The following GLRA3 variants were observed in gnomAD, a reference collection of about 807,000 sequenced individuals.
The protein encoded by GLRA3 is glycine receptor subunit alpha-3.
Under a neutral mutation model 60.4 loss-of-function variants are expected in GLRA3, and 44 were observed. The observed-to-expected ratio is 0.73, with a 90% confidence interval of 0.57 to 0.94. GLRA3 has a LOEUF of 0.94. GLRA3 is among the 40% of genes least tolerant of loss of function. The pLI, the probability that GLRA3 is intolerant of heterozygous loss-of-function variation, is 0.00. For missense variants in GLRA3, 508 were observed against 564.6 expected (o/e 0.90, Z 1.02); for synonymous variants, 223 against 192.9 (o/e 1.16, Z -1.29).
chr4:174,728,749 T>C (rs756642447), intron 3 of GLRA3, 51 bp from the exon 4 acceptor site: 1 of 1,217,324 alleles, frequency 8.2e-7, no homozygotes, highest in Non-Finnish European at 1.2e-6. Flanking sequence ...CTTTAAAAAG[T>C]TTAAAATCCA....
chr4:174,808,922 G>A (rs1424775904), intron 1 of GLRA3, among the ~76,000 whole-genome samples: 1 of 152,078 alleles, frequency 6.6e-6, no homozygotes, highest in Admixed American at 6.5e-5. Flanking sequence ...TAAAAAAATT[G>A]AAAGTTTATA....
intron 5 of GLRA3, among the ~76,000 whole-genome samples, chr4:174,707,393 G>A (rs1055086566): frequency 6.6e-6 from 1 of 152,122 alleles, no homozygotes; most frequent in African/African-American, 2.4e-5. Flanking sequence ...ACATGGATGG[G>A]GGACATAGAA....
At chr4:174,773,129 C>T (rs1738457907) in intron 2 of GLRA3, among the ~76,000 whole-genome samples, 1 of 152,142 alleles carries the variant, frequency 6.6e-6, no homozygotes, top group African/African-American at 2.4e-5. Context: ...TGCTACTTCT[C>T]TGTGCCAATG....
At position 174,659,882 on chromosome 4, in the gene GLRA3, G is replaced by GAATC. The variant is rs372529854; in HGVS notation, c.928-689_928-686dup. 2.5e-3 allele frequency among the ~76,000 whole-genome samples: 379 copies of GAATC among 150,988 alleles called. 4 individuals are homozygous for GAATC. The highest frequency in any genetic ancestry group is 8.7e-3 in the African/African-American group (359 of 41,048). ...AGCTACTTGGGAGGCTGAGGCAGGAGAATCGCTTGAACCCAGGGGGCAGAG... is the reference window on the plus strand; with the variant it reads ...AGCTACTTGGGAGGCTGAGGCAGGAGAATCAATCGCTTGAACCCAGGGGGCAGAG... On this transcript the variant is annotated intron_variant, in intron 7 of 9. Coordinates refer to ENST00000274093, the MANE Select transcript of GLRA3 (RefSeq NM_006529.4).
At chr4:174,735,375 C>A (rs1037887910) in intron 3 of GLRA3, among the ~76,000 whole-genome samples, 1 of 152,130 alleles carries the variant, frequency 6.6e-6, no homozygotes, top group African/African-American at 2.4e-5. Flanking sequence ...CTGGTTTAGA[C>A]AACATGGACA....
At chr4:174,700,935 A>T (rs1264828657) in intron 5 of GLRA3, among the ~76,000 whole-genome samples, 3 of 152,202 alleles carry the variant, frequency 2.0e-5, no homozygotes, top group Non-Finnish European at 4.4e-5. Flanking sequence ...TAAGCAAAGA[A>T]GCCCTCTCCA....
chr4:174,751,993 A>C (rs543676713), intron 3 of GLRA3, among the ~76,000 whole-genome samples: 1 of 152,228 alleles, frequency 6.6e-6, no homozygotes, highest in Non-Finnish European at 1.5e-5. Flanking sequence ...GAGAAACTAA[A>C]CAGAAAAGGG....
intron 2 of GLRA3, among the ~76,000 whole-genome samples, chr4:174,769,617 A>C (rs745342512): frequency 3.3e-5 from 5 of 152,062 alleles, no homozygotes; most frequent in Non-Finnish European, 5.9e-5. Flanking sequence ...GGTTCAAAGC[A>C]ATCGTTCTAT....
intron 3 of GLRA3, among the ~76,000 whole-genome samples, chr4:174,734,853 T>C (rs1442934586): frequency 1.3e-5 from 2 of 152,156 alleles, no homozygotes; most frequent in Admixed American, 6.6e-5. Context: ...GTAAACTTAG[T>C]TCATGGGAAC....
chr4:174,743,468 G>A (rs928479608), intron 3 of GLRA3, among the ~76,000 whole-genome samples: 2 of 151,092 alleles, frequency 1.3e-5, no homozygotes, highest in African/African-American at 4.9e-5. Context: ...TTATTTTGTT[G>A]AATGTCCCTC....
intron 3 of GLRA3, among the ~76,000 whole-genome samples, chr4:174,743,868 C>A (rs754405494): frequency 6.6e-6 from 1 of 152,132 alleles, no homozygotes; most frequent in African/African-American, 2.4e-5. Flanking sequence ...TTAGAAGTGA[C>A]AGCTCTGTGC....
At chr4:174,794,384 T>C (rs1739478003) in intron 1 of GLRA3, among the ~76,000 whole-genome samples, 1 of 152,134 alleles carries the variant, frequency 6.6e-6, no homozygotes, top group Admixed American at 6.6e-5. Context: ...TTCTGTAGTA[T>C]ATGATCATGT....
chr4:174,781,527 C>G (rs1738872427), intron 2 of GLRA3, among the ~76,000 whole-genome samples: 1 of 141,966 alleles, frequency 7.0e-6, no homozygotes, highest in Admixed American at 7.1e-5. Context: ...AATCCAGGAG[C>G]TGGTTTTTTG....
intron 3 of GLRA3, among the ~76,000 whole-genome samples, chr4:174,744,052 C>T (rs558366152): frequency 1.1e-4 from 16 of 152,292 alleles, no homozygotes. Context: ...CTTGGGCTCA[C>T]AAGGGAAGGA....
intron 2 of GLRA3, among the ~76,000 whole-genome samples, chr4:174,775,117 T>C (rs1491402): frequency 0.38 from 57,818 of 151,998 alleles, 11,192 homozygotes; most frequent in East Asian, 0.47. Flanking sequence ...TGAACATGTA[T>C]AGTTTTAGAA....
At chr4:174,803,067 A>C (rs1739890774) in intron 1 of GLRA3, among the ~76,000 whole-genome samples, 1 of 152,084 alleles carries the variant, frequency 6.6e-6, no homozygotes, top group Admixed American at 6.6e-5. Context: ...GAAATATATG[A>C]CAAAAATTAG....
intron 9 of GLRA3, among the ~76,000 whole-genome samples, chr4:174,656,357 ATTTG>A (rs919757896): frequency 1.3e-5 from 2 of 152,106 alleles, no homozygotes; most frequent in African/African-American, 4.8e-5. Flanking sequence ...TGCTTTTAGA[ATTTG>A]TTTGTATAAA....
intron 3 of GLRA3, among the ~76,000 whole-genome samples, chr4:174,743,826 T>C (rs1283294644): frequency 2.6e-5 from 4 of 152,174 alleles, no homozygotes; most frequent in African/African-American, 9.7e-5. Context: ...ACAATAGGTG[T>C]TCAAATTGAA....
intron 5 of GLRA3, among the ~76,000 whole-genome samples, chr4:174,707,741 C>G (rs951501320): frequency 5.9e-5 from 9 of 152,016 alleles, no homozygotes; most frequent in African/African-American, 1.9e-4. Flanking sequence ...TTAAAATGAC[C>G]AATGGTTGTA....
Sources: gnomAD v4.1 joint callset for allele counts (sites outside exome capture counted in the v4.1 genomes callset) on GRCh38, gnomAD v4.1.1 for gene constraint, MANE v1.5 for transcripts, NCBI Gene and HGNC (gene_info 2026-07-23, HGNC 2026-07-21) for gene names.